Variants in PRH1 observed in about 807,000 individuals in gnomAD.
The protein encoded by PRH1 is salivary acidic proline-rich phosphoprotein 1/2.
A neutral mutation model predicts 7.9 loss-of-function variants in PRH1; 7 were observed. The observed-to-expected ratio is 0.89, with a 90% CI of 0.50 to 1.67. The LOEUF is 1.67. PRH1 is among the 40% of genes most tolerant of loss of function. PRH1 has a pLI of 0.00. For missense variants in PRH1, 109 were observed against 223.6 expected (o/e 0.49, Z 3.27); for synonymous variants, 45 against 80.8 (o/e 0.56, Z 2.38).
At chr12:10,972,018 A>G (rs1467169839) in intron 2 of PRH1, among the ~76,000 whole-genome samples, 1 of 152,232 alleles carries the variant, frequency 6.6e-6, no homozygotes, top group Non-Finnish European at 1.5e-5. Context: ...ATATGCCTTC[A>G]GTCAAACATT....
At chr12:10,997,112 C>A (rs10845279) in intron 1 of PRH1, 574,013 of 1,612,704 alleles carry the variant, frequency 0.36, 113,653 homozygotes, top group East Asian at 0.75. Flanking sequence ...TTCTTTTGGT[C>A]GCATCTTAAA....
intron 1 of PRH1, among the ~76,000 whole-genome samples, chr12:11,126,693 G>C (rs1215550549): frequency 7.2e-6 from 1 of 138,792 alleles, no homozygotes; most frequent in Non-Finnish European, 1.6e-5. Flanking sequence ...ACAATTCTAG[G>C]ATTACAATCC....
chr12:10,933,431 GA>G (rs956022205), intron 2 of PRH1, among the ~76,000 whole-genome samples: 1 of 151,546 alleles, frequency 6.6e-6, no homozygotes, highest in Non-Finnish European at 1.5e-5. Flanking sequence ...CCAAGTTCTT[GA>G]AAAAAAATTT....
intron 1 of PRH1, among the ~76,000 whole-genome samples, chr12:10,988,196 A>G (rs1354325006): frequency 6.6e-6 from 1 of 152,122 alleles, no homozygotes; most frequent in African/African-American, 2.4e-5. Context: ...CCTGAATCCA[A>G]AGATATATGA....
intron 3 of PRH1, 116 bp downstream of exon 3, chr12:10,882,101 G>C: frequency 6.5e-7 from 1 of 1,528,458 alleles, no homozygotes; most frequent in Non-Finnish European, 8.8e-7. Flanking sequence ...ACAATTTTTA[G>C]AAATGTGTTC....
At chr12:10,997,202 A>T (rs1417982172) in intron 1 of PRH1, 2 of 1,613,846 alleles carry the variant, frequency 1.2e-6, no homozygotes, top group Non-Finnish European at 1.7e-6. Context: ...CAGAGCTTTT[A>T]TGTGGATCTT....
intron 2 of PRH1, among the ~76,000 whole-genome samples, chr12:10,906,997 C>A (rs1034354137): frequency 6.6e-6 from 1 of 152,126 alleles, no homozygotes; most frequent in Non-Finnish European, 1.5e-5. Context: ...AATCATCAGC[C>A]TCACTAGCCA....
chr12:11,055,184 G>T (rs1469564146), intron 1 of PRH1, among the ~76,000 whole-genome samples: 1 of 151,740 alleles, frequency 6.6e-6, no homozygotes, highest in African/African-American at 2.4e-5. Flanking sequence ...TTAGTTAACA[G>T]CATACTGTAA....
Position 11,130,835 on chromosome 12 carries a change from C to A in PRH1, n.40-9655G>T, listed in dbSNP as rs143928414. Among the ~76,000 whole-genome samples the A allele has an allele frequency of 2.7e-3, 407 of 152,296 alleles. 1 individual carries two copies. Among genetic ancestry groups the A allele is most frequent in the Middle Eastern group, 0.02 (6 of 294 alleles). The stretch of plus-strand genomic sequence containing the variant: ...CTCTAAGCACAAGCCCCTATAAGCA[C>A]AAAACCCTGTACAACTGTGCAAGTC... On this transcript the variant is annotated intron_variant and non_coding_transcript_variant, in intron 1 of 1. Coordinates refer to the PRH1 transcript ENST00000541175.
chr12:10,928,672 C>T (rs560566098), intron 2 of PRH1, among the ~76,000 whole-genome samples: 6 of 152,332 alleles, frequency 3.9e-5, no homozygotes, highest in Admixed American at 3.3e-4. Context: ...CTTCTGTCAT[C>T]TATGTGTACC....
chr12:11,016,918 A>G (rs1267571107), intron 1 of PRH1, among the ~76,000 whole-genome samples: 5 of 152,244 alleles, frequency 3.3e-5, no homozygotes, highest in African/African-American at 4.8e-5. Context: ...CTACCATGAC[A>G]AAACACTTGA....
chr12:11,084,117 G>A (rs796741681), intron 1 of PRH1, among the ~76,000 whole-genome samples: 25,581 of 91,606 alleles, frequency 0.28, 1,912 homozygotes, highest in Non-Finnish European at 0.36. Context: ...CCAGCCAACA[G>A]GAGAAGGACA....
At chr12:10,913,925 C>A (rs950023670) in intron 2 of PRH1, among the ~76,000 whole-genome samples, 3 of 152,188 alleles carry the variant, frequency 2.0e-5, no homozygotes, top group African/African-American at 7.2e-5. Context: ...ACTTCTCCTA[C>A]GTGGAGTCCC....
At chr12:11,128,156 A>ATAAC (rs1946200462) in intron 1 of PRH1, among the ~76,000 whole-genome samples, 1 of 151,728 alleles carries the variant, frequency 6.6e-6, no homozygotes, top group Non-Finnish European at 1.5e-5. Context: ...CAACAATTGT[A>ATAAC]TAACTATTCC....
At chr12:10,918,521 T>C (rs1950004017) in intron 2 of PRH1, among the ~76,000 whole-genome samples, 1 of 152,218 alleles carries the variant, frequency 6.6e-6, no homozygotes, top group Non-Finnish European at 1.5e-5. Flanking sequence ...ATTTGTAAGA[T>C]GAAGTCGTAG....
intron 1 of PRH1, among the ~76,000 whole-genome samples, chr12:11,064,036 T>A (rs1174223659): frequency 6.6e-6 from 1 of 152,104 alleles, no homozygotes; most frequent in African/African-American, 2.4e-5. Flanking sequence ...CAGTGTATCA[T>A]AAACATTCAA....
intron 2 of PRH1, among the ~76,000 whole-genome samples, chr12:10,960,470 G>A (rs141586940): frequency 2.2e-4 from 33 of 152,324 alleles, no homozygotes; most frequent in African/African-American, 7.9e-4. Context: ...TGAGCAGAAC[G>A]TGGTTTCTGG....
intron 1 of PRH1, among the ~76,000 whole-genome samples, chr12:11,009,364 A>T (rs1430212740): frequency 2.0e-5 from 3 of 151,800 alleles, no homozygotes; most frequent in Non-Finnish European, 2.9e-5. Flanking sequence ...GTGTCATTTT[A>T]TTTTAAATTT....
chr12:11,057,007 T>G (rs1591911993), intron 1 of PRH1, among the ~76,000 whole-genome samples: 2 of 34,888 alleles, frequency 5.7e-5, no homozygotes, highest in South Asian at 1.4e-3. Context: ...AACTTTCACT[T>G]TTTTTTTTTT....
Sources: gnomAD v4.1 joint callset for allele counts (sites outside exome capture counted in the v4.1 genomes callset) on GRCh38, gnomAD v4.1.1 for gene constraint, MANE v1.5 for transcripts, NCBI Gene and HGNC (gene_info 2026-07-23, HGNC 2026-07-21) for gene names.